STK32B: variants seen among roughly 807,000 people sequenced by gnomAD.
STK32B encodes the protein serine/threonine-protein kinase 32B.
A neutral mutation model predicts 52.6 loss-of-function variants in STK32B; 43 were observed. That is an observed-to-expected ratio of 0.82 (90% CI 0.64 to 1.05). STK32B has a LOEUF of 1.05. STK32B is among the 50% of genes least tolerant of loss of function. The pLI, the probability that STK32B is intolerant of heterozygous loss-of-function variation, is 0.00. For synonymous variants in STK32B, 238 were observed against 204.3 expected, an observed-to-expected ratio of 1.17 and a Z score of -1.41; for missense variants, 621 against 534.6, an observed-to-expected ratio of 1.16 and a Z score of -1.59.
intron 3 of STK32B, among the ~76,000 whole-genome samples, chr4:5,234,764 T>C (rs1409376830): frequency 6.6e-5 from 10 of 152,246 alleles, no homozygotes; most frequent in Admixed American, 5.2e-4. Flanking sequence ...TGGGAAGAAA[T>C]TGGAACAGAA....
At chr4:5,354,119 A>G (rs1202784495) in intron 4 of STK32B, among the ~76,000 whole-genome samples, 3 of 152,344 alleles carry the variant, frequency 2.0e-5, no homozygotes, top group East Asian at 3.9e-4. Context: ...ATGTTAAGTG[A>G]AATAAGCCAG....
chr4:5,398,760 T>A lies in STK32B; in HGVS notation c.472+516T>A, dbSNP rs10022686. On this transcript the variant is annotated intron_variant, in intron 5 of 11. Coordinates refer to ENST00000282908, the MANE Select transcript of STK32B (RefSeq NM_018401.3). The surrounding 1 kb of genome is among the most constrained non-coding windows in gnomAD (Gnocchi z 4.9). ...CAGGCTTCTCAAAATTTCCTTTATG[T>A]GCACACAGATCTCCTAGGCATCTTC... Among the ~76,000 whole-genome samples, 5,651 of 152,300 alleles carry A rather than the reference T, an allele frequency of 0.037. 151 individuals carry two copies. Among genetic ancestry groups the A allele is most frequent in the East Asian group, 0.081 (419 of 5,176 alleles).
At chr4:5,317,685 C>A (rs1731197589) in intron 3 of STK32B, among the ~76,000 whole-genome samples, 1 of 149,684 alleles carries the variant, frequency 6.7e-6, no homozygotes, top group East Asian at 2.0e-4. Flanking sequence ...GACAAGGTGC[C>A]ATCTGCAAAG....
intron 11 of STK32B, among the ~76,000 whole-genome samples, chr4:5,493,384 T>A (rs1425287441): frequency 3.3e-5 from 5 of 152,202 alleles, no homozygotes; most frequent in Non-Finnish European, 7.3e-5. Context: ...TTTGTAGTAT[T>A]CTCTGATGGT....
At chr4:5,173,478 T>C (rs915633278) in intron 3 of STK32B, among the ~76,000 whole-genome samples, 5 of 152,146 alleles carry the variant, frequency 3.3e-5, no homozygotes, top group African/African-American at 9.6e-5. Context: ...GCTTTGAATG[T>C]GTCCCAGAGA....
At chr4:5,197,546 T>C (rs1458379686) in intron 3 of STK32B, among the ~76,000 whole-genome samples, 1 of 152,236 alleles carries the variant, frequency 6.6e-6, no homozygotes, top group Non-Finnish European at 1.5e-5. Context: ...TAGTTCCTTA[T>C]TTATCTCCAC....
intron 1 of STK32B, among the ~76,000 whole-genome samples, chr4:5,056,246 T>C (rs141471898): frequency 1.1e-3 from 160 of 152,278 alleles, no homozygotes; most frequent in African/African-American, 3.7e-3. Context: ...CCTCTGTCCA[T>C]AGAAAATTTG....
chr4:5,355,839 C>A (rs1734138671), intron 4 of STK32B, among the ~76,000 whole-genome samples: 1 of 152,224 alleles, frequency 6.6e-6, no homozygotes, highest in Admixed American at 6.5e-5. Context: ...TTGAGGAACA[C>A]AATCCTACAG....
intron 1 of STK32B, among the ~76,000 whole-genome samples, chr4:5,131,322 T>G (rs1193666965): frequency 6.6e-6 from 1 of 152,240 alleles, no homozygotes. Context: ...CGCTGTACAA[T>G]CACTGAGATC....
At chr4:5,278,107 G>A (rs537966243) in intron 3 of STK32B, among the ~76,000 whole-genome samples, 1 of 152,320 alleles carries the variant, frequency 6.6e-6, no homozygotes, top group East Asian at 1.9e-4. Flanking sequence ...CCCCAGGGGT[G>A]GCAGGTAGAA....
At chr4:5,441,512 TG>T (rs1432166390) in intron 6 of STK32B, among the ~76,000 whole-genome samples, 1 of 151,128 alleles carries the variant, frequency 6.6e-6, no homozygotes, top group African/African-American at 2.4e-5. Flanking sequence ...TTATTAGTCT[TG>T]CTAGCAGTCT....
chr4:5,372,038 C>A lies in STK32B; in HGVS notation c.435-26169C>A, dbSNP rs1490819522. On this transcript the variant is annotated intron_variant, in intron 4 of 11. Coordinates refer to ENST00000282908, the MANE Select transcript of STK32B (RefSeq NM_018401.3). Reference sequence around the variant, plus strand: ...AGGCCAGGATGTGGGCTGCATTGGTCACACTCATGCCTGCAGGCAGGCGAG... The same window carrying A: ...AGGCCAGGATGTGGGCTGCATTGGTAACACTCATGCCTGCAGGCAGGCGAG... Among the ~76,000 whole-genome samples, 3 of 152,330 alleles carry A rather than the reference C, an allele frequency of 2.0e-5. No homozygotes were observed. In the East Asian group the frequency reaches 5.8e-4, roughly 29 times the overall value.
At chr4:5,475,998 G>A (rs919859536) in intron 11 of STK32B, among the ~76,000 whole-genome samples, 9 of 151,688 alleles carry the variant, frequency 5.9e-5, no homozygotes, top group Non-Finnish European at 1.2e-4. Context: ...AGGTTCAAGC[G>A]ATTCTCCTGC....
At chr4:5,492,375 T>A (rs1189470741) in intron 11 of STK32B, among the ~76,000 whole-genome samples, 1 of 151,696 alleles carries the variant, frequency 6.6e-6, no homozygotes, top group Non-Finnish European at 1.5e-5. Flanking sequence ...ATTTGGCTGT[T>A]TGTCTGGTAT....
At chr4:5,167,639 C>T (rs796470603) in intron 2 of STK32B, among the ~76,000 whole-genome samples, 5 of 152,214 alleles carry the variant, frequency 3.3e-5, no homozygotes, top group African/African-American at 1.2e-4. Flanking sequence ...GGCAAACTTA[C>T]AAACTCCGGG....
At chr4:5,175,348 A>G (rs2108746195) in intron 3 of STK32B, among the ~76,000 whole-genome samples, 1 of 152,132 alleles carries the variant, frequency 6.6e-6, no homozygotes, top group African/African-American at 2.4e-5. Context: ...GCTGGTGAGG[A>G]GCTGCGTTCC....
the STK32B span, among the ~76,000 whole-genome samples, chr4:5,030,656 A>G: frequency 6.6e-6 from 1 of 152,226 alleles, no homozygotes; most frequent in African/African-American, 2.4e-5. Flanking sequence ...TGGGAAGTTA[A>G]GTAACTTGCT....
At chr4:5,414,639 T>G (rs1383758048) in intron 5 of STK32B, among the ~76,000 whole-genome samples, 1 of 152,222 alleles carries the variant, frequency 6.6e-6, no homozygotes, top group Non-Finnish European at 1.5e-5. Flanking sequence ...ACCCATGCAG[T>G]ATGATCTCAT....
chr4:5,205,462 G>A (rs1234604890), intron 3 of STK32B, among the ~76,000 whole-genome samples: 1 of 152,202 alleles, frequency 6.6e-6, no homozygotes, highest in East Asian at 1.9e-4. Context: ...AAGGTCCAGG[G>A]CACACAGAGA....
Sources: allele counts gnomAD v4.1 joint callset (sites outside exome capture counted in the v4.1 genomes callset), GRCh38; gene constraint gnomAD v4.1.1; non-coding constraint Gnocchi (gnomAD v3.1); transcripts MANE v1.5; gene names NCBI Gene and HGNC (gene_info 2026-07-23, HGNC 2026-07-21).